The following PPM1L variants were observed in gnomAD, a reference collection of about 807,000 sequenced individuals.
PPM1L encodes the protein protein phosphatase 1L.
PPM1L carries 13 observed loss-of-function variants against 31.4 expected under a neutral mutation model. The observed-to-expected ratio is 0.41, with a 90% confidence interval of 0.27 to 0.66. PPM1L has a LOEUF of 0.66. Among genes scored for constraint, PPM1L ranks in the 30% least tolerant of loss-of-function variants. The pLI, the probability that PPM1L is intolerant of heterozygous loss-of-function variation, is 0.29. For missense variants in PPM1L, 326 were observed against 453.7 expected (o/e 0.72, Z 2.56); for synonymous variants, 184 against 175.4 (o/e 1.05, Z -0.39).
chr3:160,828,270 A>T (rs17236662), intron 1 of PPM1L, among the ~76,000 whole-genome samples: 9,797 of 152,158 alleles, frequency 0.064, 355 homozygotes, highest in African/African-American at 0.098. Flanking sequence ...CCATGTATGT[A>T]TTCCATGCCT....
chr3:160,766,445 CATG>C (rs1254373375), intron 1 of PPM1L, among the ~76,000 whole-genome samples: 2 of 152,140 alleles, frequency 1.3e-5, no homozygotes, highest in Non-Finnish European at 2.9e-5. Flanking sequence ...TTGCTGTTCT[CATG>C]ATACTGAGTG....
At chr3:160,868,887 G>A (rs1377276661) in intron 1 of PPM1L, among the ~76,000 whole-genome samples, 3 of 152,170 alleles carry the variant, frequency 2.0e-5, no homozygotes, top group Non-Finnish European at 4.4e-5. Flanking sequence ...AAATATTGTT[G>A]ATTCATGGAA....
At chr3:160,824,499 A>G (rs1266148559) in intron 1 of PPM1L, among the ~76,000 whole-genome samples, 1 of 152,184 alleles carries the variant, frequency 6.6e-6, no homozygotes, top group Non-Finnish European at 1.5e-5. Flanking sequence ...AATGAGGGAA[A>G]GGTCATAGGC....
At chr3:160,919,723 A>T (rs910319572) in intron 1 of PPM1L, among the ~76,000 whole-genome samples, 2 of 152,176 alleles carry the variant, frequency 1.3e-5, no homozygotes, top group Non-Finnish European at 2.9e-5. Flanking sequence ...TTTAGACTGA[A>T]GAAAAATATC....
At chr3:160,954,422 C>T (rs917745236) in intron 1 of PPM1L, among the ~76,000 whole-genome samples, 1 of 151,672 alleles carries the variant, frequency 6.6e-6, no homozygotes, top group Non-Finnish European at 1.5e-5. Context: ...AGTGCAATGG[C>T]GGCATCTCAG....
chr3:161,029,921 C>A (rs1718511500), intron 2 of PPM1L, among the ~76,000 whole-genome samples: 3 of 152,188 alleles, frequency 2.0e-5, no homozygotes, highest in African/African-American at 7.2e-5. Context: ...CCTGCCACCA[C>A]CACCACCCTA....
intron 1 of PPM1L, among the ~76,000 whole-genome samples, chr3:160,961,456 T>C (rs1273800997): frequency 2.0e-5 from 3 of 152,192 alleles, no homozygotes; most frequent in African/African-American, 7.2e-5. Context: ...TTCACTATAA[T>C]AGTTGAAACT....
chr3:160,760,402 C>A (rs1714936848), intron 1 of PPM1L, among the ~76,000 whole-genome samples: 1 of 152,166 alleles, frequency 6.6e-6, no homozygotes, highest in African/African-American at 2.4e-5. Flanking sequence ...GGACCAGACT[C>A]TCTAGGGCTG....
intron 2 of PPM1L, among the ~76,000 whole-genome samples, chr3:160,973,463 C>A (rs1306763944): frequency 6.6e-6 from 1 of 152,078 alleles, no homozygotes; most frequent in Non-Finnish European, 1.5e-5. Flanking sequence ...ATTTTATAGA[C>A]CTTGTTAGAA....
At chr3:160,984,204 C>T (rs921630800) in intron 2 of PPM1L, among the ~76,000 whole-genome samples, 31 of 152,304 alleles carry the variant, frequency 2.0e-4, no homozygotes, top group African/African-American at 7.5e-4. Context: ...GGCAGACACT[C>T]CCAGAGCGGC....
chr3:160,886,910 A>G (rs914504118), intron 1 of PPM1L, among the ~76,000 whole-genome samples: 9 of 152,048 alleles, frequency 5.9e-5, no homozygotes, highest in Non-Finnish European at 1.0e-4. Context: ...AAAAAACTAC[A>G]CTGAGCTAAA....
intron 1 of PPM1L, among the ~76,000 whole-genome samples, chr3:160,868,610 C>G (rs533281592): frequency 1.5e-4 from 23 of 152,108 alleles, no homozygotes; most frequent in Non-Finnish European, 3.4e-4. Flanking sequence ...ATGTTTCCAC[C>G]TAAAACCTAG....
At chr3:160,977,108 T>C (rs1385042908) in intron 2 of PPM1L, among the ~76,000 whole-genome samples, 2 of 152,358 alleles carry the variant, frequency 1.3e-5, no homozygotes, top group East Asian at 1.9e-4. Context: ...AACATCTTTA[T>C]TTCTGTGAAA....
chr3:161,004,128 A>G (rs1416507552), intron 2 of PPM1L, among the ~76,000 whole-genome samples: 2 of 143,968 alleles, frequency 1.4e-5, no homozygotes, highest in Non-Finnish European at 3.0e-5. Context: ...TTCTGTTTAT[A>G]TGCTGGATTA....
chr3:160,997,331 T>C (rs1576770441), intron 2 of PPM1L, among the ~76,000 whole-genome samples: 1 of 152,306 alleles, frequency 6.6e-6, no homozygotes, highest in Middle Eastern at 3.4e-3. Flanking sequence ...GAGCTGGATA[T>C]GTGCGGGAGG....
intron 2 of PPM1L, among the ~76,000 whole-genome samples, chr3:160,968,636 G>T (rs1426516510): frequency 6.6e-6 from 1 of 152,146 alleles, no homozygotes; most frequent in Admixed American, 6.5e-5. Context: ...TAAGGATATG[G>T]TTTGTAATGC....
At chr3:161,037,873 A>G (rs865998280) in intron 2 of PPM1L, among the ~76,000 whole-genome samples, 1 of 152,052 alleles carries the variant, frequency 6.6e-6, no homozygotes, top group Admixed American at 6.6e-5. Context: ...TTAAGCTGCA[A>G]TTATGTTGAA....
intron 2 of PPM1L, among the ~76,000 whole-genome samples, chr3:160,971,950 T>C (rs1158473661): frequency 6.6e-6 from 1 of 152,102 alleles, no homozygotes; most frequent in Non-Finnish European, 1.5e-5. Context: ...AATTTTTCTG[T>C]AGAGACGGGT....
At chr3:160,833,719 T>G (rs1334084234) in intron 1 of PPM1L, among the ~76,000 whole-genome samples, 1 of 152,190 alleles carries the variant, frequency 6.6e-6, no homozygotes, top group African/African-American at 2.4e-5. Context: ...TCCCATTCTT[T>G]AGGTTTCCTG....
Sources: allele counts gnomAD v4.1 joint callset (sites outside exome capture counted in the v4.1 genomes callset), GRCh38; gene constraint gnomAD v4.1.1; transcripts MANE v1.5; gene names NCBI Gene and HGNC (gene_info 2026-07-23, HGNC 2026-07-21).